The following NDUFAF6 variants were observed in gnomAD, a reference collection of about 807,000 sequenced individuals.
NDUFAF6 encodes NADH:ubiquinone oxidoreductase complex assembly factor 6.
In NDUFAF6, 45 loss-of-function variants were observed where a neutral mutation model predicts 40.8. The observed-to-expected ratio is 1.10, with a 90% CI of 0.87 to 1.42. The LOEUF (loss-of-function observed/expected upper bound fraction) is 1.42. Among genes scored for constraint, NDUFAF6 ranks in the 40% most tolerant of loss-of-function variants. The pLI is 0.00. For missense variants in NDUFAF6, 435 were observed against 418.5 expected (o/e 1.04, Z -0.34); for synonymous variants, 185 against 155.9 (o/e 1.19, Z -1.39).
intron 1 of NDUFAF6, among the ~76,000 whole-genome samples, chr8:94,945,256 T>C (rs1176260813): frequency 1.3e-5 from 2 of 152,214 alleles, no homozygotes; most frequent in Non-Finnish European, 2.9e-5. Flanking sequence ...TGTATCTGAA[T>C]TGAGATGTGC....
chr8:94,995,936 C>G (rs1826409208), intron 2 of NDUFAF6, among the ~76,000 whole-genome samples: 1 of 152,172 alleles, frequency 6.6e-6, no homozygotes, highest in Non-Finnish European at 1.5e-5. Flanking sequence ...TGCCACCACG[C>G]CCAGCCAATT....
At chr8:95,025,509 C>T (rs1016510284) in intron 1 of NDUFAF6, among the ~76,000 whole-genome samples, 5 of 152,232 alleles carry the variant, frequency 3.3e-5, no homozygotes, top group African/African-American at 1.2e-4. Context: ...ATTCACAGAA[C>T]GTCTATTAGT....
chr8:95,117,038 G>A (rs749728259), downstream of NDUFAF6, among the ~76,000 whole-genome samples: 4 of 152,204 alleles, frequency 2.6e-5, no homozygotes, highest in Admixed American at 6.5e-5. Context: ...TCTGCCCTCA[G>A]ATGTCAGATA....
chr8:95,092,262 A>G (rs1047276129), intron 2 of NDUFAF6, among the ~76,000 whole-genome samples: 6 of 150,988 alleles, frequency 4.0e-5, no homozygotes, highest in Non-Finnish European at 5.9e-5. Context: ...GCTCACTGCA[A>G]TCTCCGCATC....
At chr8:94,928,448 A>G (rs1820085402) in intron 1 of NDUFAF6, 1 of 152,508 alleles carries the variant, frequency 6.6e-6, no homozygotes, top group Admixed American at 6.5e-5. Context: ...CAAACATCGT[A>G]TAAAACATAC....
chr8:95,111,059 G>T (rs915166909), intron 4 of NDUFAF6, among the ~76,000 whole-genome samples: 4 of 152,238 alleles, frequency 2.6e-5, no homozygotes, highest in Non-Finnish European at 5.9e-5. Context: ...GGAAGCCAGA[G>T]GTTCTTACCC....
At chr8:94,993,041 C>T (rs1460345816) in intron 2 of NDUFAF6, among the ~76,000 whole-genome samples, 1 of 152,190 alleles carries the variant, frequency 6.6e-6, no homozygotes, top group Non-Finnish European at 1.5e-5. Flanking sequence ...CCTATTTACT[C>T]ACAATCCTGG....
At chr8:95,027,958 C>G (rs573843405) in intron 1 of NDUFAF6, among the ~76,000 whole-genome samples, 1 of 152,336 alleles carries the variant, frequency 6.6e-6, no homozygotes, top group South Asian at 2.1e-4. Context: ...GCTTCTCCGA[C>G]TTTGGCTTTG....
intron 2 of NDUFAF6, chr8:94,989,472 T>A (rs1228421048): frequency 6.6e-6 from 1 of 152,176 alleles, no homozygotes; most frequent in African/African-American, 2.4e-5. Flanking sequence ...GTTTGTAAGA[T>A]CCTTGAGGTC....
chr8:94,969,168 A>G (rs555385017), intron 1 of NDUFAF6, among the ~76,000 whole-genome samples: 1 of 152,302 alleles, frequency 6.6e-6, no homozygotes, highest in Admixed American at 6.5e-5. Context: ...ACTAGATGAG[A>G]TGAATCACCT....
At chr8:94,896,348 T>A (rs1053906466) in intron 1 of NDUFAF6, 1 of 148,134 alleles carries the variant, frequency 6.8e-6, no homozygotes, top group Non-Finnish European at 1.5e-5. Flanking sequence ...GCCCGAGCGC[T>A]GTTGGGAGGA....
chr8:95,063,750 A>T lies in NDUFAF6; in HGVS notation c.*511+11520A>T, dbSNP rs7822715. Among the ~76,000 whole-genome samples the T allele has an allele frequency of 1.9e-3, 292 of 152,270 alleles. 1 individual carries two copies. Among genetic ancestry groups the T allele is most frequent in the African/African-American group, 6.8e-3 (281 of 41,546 alleles). On this transcript the variant is annotated intron_variant and NMD_transcript_variant, in intron 9 of 9. Coordinates refer to the NDUFAF6 transcript ENST00000520757. ...GGCCTACATAATGAATTTCTCAGGG[A>T]GTAAGTTCAAGAGCTTTTTTTTTAA...
chr8:94,932,122 T>C (rs1242562988), intron 1 of NDUFAF6: 2 of 1,606,960 alleles, frequency 1.2e-6, no homozygotes, highest in Middle Eastern at 1.7e-4. Context: ...AAATGTTAAA[T>C]GGTGAACTAT....
At position 95,057,945 on chromosome 8, in the gene NDUFAF6, T is replaced by C; in HGVS notation, c.*8T>C. The C allele has an allele frequency of 6.6e-7, 1 of 1,514,532 alleles. No homozygotes were observed. The highest frequency in any genetic ancestry group is 9.2e-7 in the Non-Finnish European group (1 of 1,091,250). 93.8% of individuals were successfully genotyped at this position (1,514,532 alleles called of 1,614,324 possible). A position where few individuals can be genotyped will look rare whatever the true frequency, so the allele number is the denominator to read the frequency against. On this transcript the variant is annotated 3_prime_UTR_variant, in exon 9 of 9. Coordinates refer to ENST00000396124, the MANE Select transcript of NDUFAF6 (RefSeq NM_152416.4). ...TGGAGAAAAACATATTAAAATAATTTCATGGCATTGATGTTAATTCTAGTC... is the reference window on the plus strand; with the variant it reads ...TGGAGAAAAACATATTAAAATAATTCCATGGCATTGATGTTAATTCTAGTC...
chr8:94,905,580 ATTCGG>A (rs1024944679), intron 1 of NDUFAF6, among the ~76,000 whole-genome samples: 7 of 152,126 alleles, frequency 4.6e-5, no homozygotes, highest in African/African-American at 1.7e-4. Flanking sequence ...CCAGCCACTG[ATTCGG>A]AGGCATCCTG....
chr8:95,109,605 GAGAGAGAGA>G (rs1563873009), intron 4 of NDUFAF6, among the ~76,000 whole-genome samples: 1 of 92,662 alleles, frequency 1.1e-5, no homozygotes, highest in African/African-American at 5.3e-5. Flanking sequence ...GAGAGAGAGA[GAGAGAGAGA>G]GAGAGACCTT....
chr8:95,010,912 C>T (rs1827200332), intron 2 of NDUFAF6, among the ~76,000 whole-genome samples: 1 of 152,210 alleles, frequency 6.6e-6, no homozygotes, highest in Non-Finnish European at 1.5e-5. Flanking sequence ...AGCCAGCAGA[C>T]CCAATCAGAC....
At chr8:94,976,449 G>A (rs1051133262) in intron 1 of NDUFAF6, among the ~76,000 whole-genome samples, 1 of 147,920 alleles carries the variant, frequency 6.8e-6, no homozygotes, top group Non-Finnish European at 1.5e-5. Flanking sequence ...GTTGCAGTGA[G>A]CCAAGATCCC....
At chr8:95,060,329 A>T (rs1430118512), downstream of NDUFAF6, among the ~76,000 whole-genome samples, 2 of 152,222 alleles carry the variant, frequency 1.3e-5, no homozygotes, top group African/African-American at 4.8e-5. Context: ...TACATTTTCA[A>T]ACCATTTTAG....
Sources: gnomAD v4.1 joint callset for allele counts (sites outside exome capture counted in the v4.1 genomes callset) on GRCh38, gnomAD v4.1.1 for gene constraint, MANE v1.5 for transcripts, NCBI Gene and HGNC (gene_info 2026-07-23, HGNC 2026-07-21) for gene names.